KMT2E: variants seen among roughly 807,000 people sequenced by gnomAD.
KMT2E encodes histone reader KMT2E.
A neutral mutation model predicts 184.6 loss-of-function variants in KMT2E; 30 were observed. The observed-to-expected ratio is 0.16, with a 90% confidence interval of 0.12 to 0.22. The LOEUF (loss-of-function observed/expected upper bound fraction) is 0.22, where lower values mean the gene tolerates loss of function less well. KMT2E is among the 10% of genes least tolerant of loss of function. The probability of loss-of-function intolerance (pLI) is 1.00; values close to 1 mark genes in which losing one functional copy is unlikely to be tolerated. For missense variants in KMT2E, 2,023 were observed against 2,237.4 expected, an observed-to-expected ratio of 0.90 and a Z score of 1.93; for synonymous variants, 815 against 776.5, an observed-to-expected ratio of 1.05 and a Z score of -0.82.
chr7:105,031,581 A>T (rs1030246362), intron 1 of KMT2E, among the ~76,000 whole-genome samples: 6 of 149,442 alleles, frequency 4.0e-5, no homozygotes, highest in Admixed American at 4.0e-4. Flanking sequence ...ATGAAACGCC[A>T]TCTCTACTAA....
chr7:105,112,885 T>C lies in KMT2E; in HGVS notation c.5129T>C (p.Val1710Ala). The C allele has an allele frequency of 1.1e-5, 17 of 1,533,736 alleles. No homozygotes were observed. The highest frequency in any genetic ancestry group is 1.3e-5 in the Non-Finnish European group (15 of 1,130,668). The change falls in exon 27 of 27, where the codon GTT becomes GCT. Residue 1710 changes from valine to alanine, a missense_variant. Val to Ala is a moderately conservative substitution (Grantham distance 64). Transcript: ENST00000311117. ...GGTCTACAAGCACAACACCAGCATGTTGTAAATTCAGCACCCCCACCACCC... is the reference window on the plus strand; with the variant it reads ...GGTCTACAAGCACAACACCAGCATGCTGTAAATTCAGCACCCCCACCACCC... The part of the protein sequence containing the change: ...LQGLQAQHQH[V>A]VNSAPPPPPP...
At chr7:105,019,911 A>C (rs1036454819) in intron 1 of KMT2E, among the ~76,000 whole-genome samples, 3 of 152,090 alleles carry the variant, frequency 2.0e-5, no homozygotes, top group Non-Finnish European at 4.4e-5. Flanking sequence ...GTTTGAGACC[A>C]GTCTGGCCAA....
intron 18 of KMT2E, 46 bp downstream of exon 18, chr7:105,105,739 A>G (rs1364172726): frequency 6.3e-7 from 1 of 1,576,158 alleles, no homozygotes; most frequent in South Asian, 1.2e-5. Flanking sequence ...GCCAAATGCC[A>G]ACTCATTCCT....
intron 26 of KMT2E, 179 bp downstream of exon 26, chr7:105,111,047 T>C: frequency 3.4e-6 from 2 of 593,546 alleles, no homozygotes; most frequent in Non-Finnish European, 6.0e-6. Context: ...TTACTGAACA[T>C]GTGATGGATA....
rs781173928 is a variant in KMT2E, at chr7:105,111,967, T to C, written c.4211T>C (p.Leu1404Pro). The C allele has an allele frequency of 1.1e-5, 18 of 1,614,128 alleles. No individual in the cohort carries two copies. The South Asian group carries it at 1.8e-4, about 16-fold the overall frequency. ...HLKTELQQKQ[L>P]SNNNQALSKN... Reference sequence around the variant, plus strand: ...AAAACAGAGCTCCAACAAAAACAGCTATCAAATAACAACCAAGCACTTTCA... The same window carrying C: ...AAAACAGAGCTCCAACAAAAACAGCCATCAAATAACAACCAAGCACTTTCA... Residue 1404 changes from leucine (L) to proline (P), a missense_variant, in exon 27 of 27, where the codon CTA (leucine) becomes CCA (proline). Transcript: ENST00000311117.
intron 12 of KMT2E, among the ~76,000 whole-genome samples, chr7:105,080,535 A>G (rs1797722850): frequency 6.6e-6 from 1 of 152,208 alleles, no homozygotes; most frequent in Non-Finnish European, 1.5e-5. Flanking sequence ...GCACCCAGCT[A>G]AGAGTACAGA....
At chr7:105,068,034 C>T (rs77014937) in intron 6 of KMT2E, among the ~76,000 whole-genome samples, 2,282 of 152,250 alleles carry the variant, frequency 0.015, 19 homozygotes, top group Non-Finnish European at 0.024. Flanking sequence ...CTCACCCAGC[C>T]ATTGTTATGA....
chr7:105,073,119 A>G (rs1281967824), intron 6 of KMT2E, among the ~76,000 whole-genome samples: 1 of 150,242 alleles, frequency 6.7e-6, no homozygotes, highest in African/African-American at 2.5e-5. Flanking sequence ...TAAGTAAATT[A>G]TTTTCTTGGC....
At chr7:105,037,188 C>T (rs1795695792) in intron 1 of KMT2E, among the ~76,000 whole-genome samples, 2 of 152,122 alleles carry the variant, frequency 1.3e-5, no homozygotes, top group South Asian at 4.1e-4. Context: ...TTATTGAGCA[C>T]TGTGCCAGGT....
intron 1 of KMT2E, among the ~76,000 whole-genome samples, chr7:105,027,791 A>G (rs1795232947): frequency 6.6e-6 from 1 of 152,164 alleles, no homozygotes; most frequent in Admixed American, 6.6e-5. Flanking sequence ...TTTAAACTTG[A>G]AAGTATTTAC....
rs750973875 is a variant in KMT2E at position 105,073,624 on chromosome 7, T to C, written c.503T>C (p.Leu168Ser). Residue 168 changes from leucine (L) to serine (S), a missense_variant, in exon 7 of 27, where the codon TTG becomes TCG. By Grantham distance (145) the Leu-to-Ser change is moderately radical. This residue lies in a region of KMT2E where 30 missense variants were observed against 80.6 expected (regional missense o/e 0.37). Transcript: ENST00000311117. ...ATGCTAATTTTTTAATGTAGGAATT[T>C]GGATAAAGAGAGGGCAGTGCTACTA... ...YLCERCQPRN[L>S]DKERAVLLQR... The C allele has an allele frequency of 6.3e-7, 1 of 1,595,372 alleles. No homozygotes were observed. The highest frequency in any genetic ancestry group is 8.6e-7 in the Non-Finnish European group (1 of 1,164,030).
chr7:105,069,993 A>G (rs1158968914), intron 6 of KMT2E, among the ~76,000 whole-genome samples: 3 of 152,066 alleles, frequency 2.0e-5, no homozygotes, highest in African/African-American at 7.2e-5. Flanking sequence ...GAGCCCTCCA[A>G]TTTGTTGGAT....
intron 13 of KMT2E, among the ~76,000 whole-genome samples, chr7:105,083,675 G>C (rs554278692): frequency 5.9e-5 from 9 of 152,018 alleles, no homozygotes; most frequent in South Asian, 2.1e-4. Context: ...TTAAATCCTG[G>C]TGCTTCCTTC....
intron 15 of KMT2E, 64 bp from the exon 16 acceptor site, chr7:105,101,361 T>C: frequency 1.8e-6 from 2 of 1,135,200 alleles, no homozygotes; most frequent in Non-Finnish European, 2.4e-6. Context: ...TCACAAACAT[T>C]TGGACTTAAT....
chr7:105,113,418 T>TTGTACATGAACCTTTGTATAA lies in KMT2E; in HGVS notation c.*86_*106dup, dbSNP rs1799423540. 1 of 1,384,616 alleles carries TTGTACATGAACCTTTGTATAA rather than the reference T, an allele frequency of 7.2e-7. No individual in the cohort carries two copies. Among genetic ancestry groups the TTGTACATGAACCTTTGTATAA allele is most frequent in the Admixed American group, 2.7e-5 (1 of 36,852 alleles). The allele number at this position is 1,384,616 out of a possible 1,614,324, so 85.8% of individuals were successfully genotyped here. ...TACCTGTTAAGGTACTTTTTAAAGCTTGTACATGAACCTTTGTATAAAAAA... is the reference window on the plus strand; with the variant it reads ...TACCTGTTAAGGTACTTTTTAAAGCTTGTACATGAACCTTTGTATAATGTACATGAACCTTTGTATAAAAAA... On this transcript the variant is annotated 3_prime_UTR_variant, in exon 27 of 27. Coordinates refer to ENST00000311117, the MANE Select transcript of KMT2E (RefSeq NM_182931.3).
chr7:105,023,284 C>G (rs1751069634), intron 1 of KMT2E, among the ~76,000 whole-genome samples: 1 of 150,912 alleles, frequency 6.6e-6, no homozygotes, highest in Non-Finnish European at 1.5e-5. Flanking sequence ...CCCCTGTAAT[C>G]CCAGCTACTT....
chr7:105,021,290 A>G (rs1270192684), intron 1 of KMT2E, among the ~76,000 whole-genome samples: 1 of 152,232 alleles, frequency 6.6e-6, no homozygotes, highest in East Asian at 1.9e-4. Flanking sequence ...GGCTTATTAC[A>G]TCTTACATCA....
intron 2 of KMT2E, chr7:105,039,208 A>AT (rs1195925506): frequency 6.6e-6 from 1 of 152,250 alleles, no homozygotes; most frequent in Non-Finnish European, 1.5e-5. Flanking sequence ...CAATAGCACA[A>AT]ATAGAAGTCA....
intron 12 of KMT2E, 42 bp from the exon 13 acceptor site, chr7:105,081,646 A>G (rs200471867): frequency 3.1e-6 from 3 of 965,156 alleles, no homozygotes; most frequent in Non-Finnish European, 4.8e-6. Flanking sequence ...TTCTGAAGGC[A>G]GAAAGTAATT....
Sources: allele counts gnomAD v4.1 joint callset (sites outside exome capture counted in the v4.1 genomes callset), GRCh38; gene constraint gnomAD v4.1.1; regional missense constraint gnomAD v4.1.1; transcripts MANE v1.5; gene names NCBI Gene and HGNC (gene_info 2026-07-23, HGNC 2026-07-21).